Variants in ADCY5 observed in about 807,000 individuals in gnomAD.
The protein encoded by ADCY5 is adenylate cyclase type 5.
In ADCY5, 30 loss-of-function variants were observed where a neutral mutation model predicts 119.7. The ratio of observed to expected loss-of-function variants is 0.25; its 90% confidence interval spans 0.19 to 0.34. The LOEUF is 0.34. Among genes scored for constraint, ADCY5 ranks in the 10% least tolerant of loss-of-function variants. ADCY5 has a pLI of 1.00. For missense variants in ADCY5, 1,324 were observed against 1,775.2 expected (o/e 0.75, Z 4.57); for synonymous variants, 753 against 762.2 (o/e 0.99, Z 0.20).
intron 17 of ADCY5, among the ~76,000 whole-genome samples, chr3:123,291,689 G>T (rs1402774512): frequency 6.6e-6 from 1 of 152,184 alleles, no homozygotes; most frequent in African/African-American, 2.4e-5. Flanking sequence ...AGGTGAGGCT[G>T]CAAGGATCCT....
chr3:123,328,783 CT>C lies in ADCY5; in HGVS notation c.1665del (p.Val557Ter). On this transcript the variant is annotated frameshift_variant, in exon 6 of 21. Coordinates refer to ENST00000462833, the MANE Select transcript of ADCY5 (RefSeq NM_183357.3). LOFTEE classifies it high-confidence loss of function. ...IEAISLVREV[T>X]GVNVNMRVGI... ...CCCACACGCATGTTCACGTTCACCC[CT>C]GTCACCTCCCGGACCAACCTGGGGA... is the stretch of plus-strand genomic sequence containing the variant. 2 of 1,614,210 alleles carry C rather than the reference CT, an allele frequency of 1.2e-6. No individual in the cohort carries two copies. Among genetic ancestry groups the C allele is most frequent in the Non-Finnish European group, 8.5e-7 (1 of 1,180,022 alleles).
rs569548303 is a variant in ADCY5 at position 123,286,155 on chromosome 3, C to CG, written c.3657+529dup. On this transcript the variant is annotated intron_variant, in intron 20 of 20. Transcript: ENST00000462833. The surrounding 1 kb of genome is among the most constrained non-coding windows in gnomAD (Gnocchi z 4.2). ...AAGCAGCAGCTGAAGAACAGCAGGCCGGGAAACCACAAGCCCAGCTCGCAA... is the reference window on the plus strand; with the variant it reads ...AAGCAGCAGCTGAAGAACAGCAGGCCGGGGAAACCACAAGCCCAGCTCGCAA... Among the ~76,000 whole-genome samples the CG allele has an allele frequency of 1.6e-3, 239 of 152,218 alleles. 2 individuals carry two copies. The highest frequency in any genetic ancestry group is 5.5e-3 in the African/African-American group (228 of 41,534).
chr3:123,299,280 A>G (rs1173243757), intron 15 of ADCY5, among the ~76,000 whole-genome samples: 2 of 152,216 alleles, frequency 1.3e-5, no homozygotes, highest in East Asian at 1.9e-4. Context: ...CTTCTGGAAC[A>G]TGCCTAACTT....
chr3:123,313,602 G>C (rs1372473530), intron 12 of ADCY5, among the ~76,000 whole-genome samples: 1 of 152,188 alleles, frequency 6.6e-6, no homozygotes, highest in African/African-American at 2.4e-5. Flanking sequence ...TTCTACCACA[G>C]ACCAGAGTGA....
At chr3:123,320,617 C>T (rs150567896) in intron 9 of ADCY5, 132 bp downstream of exon 9, 41 of 1,273,534 alleles carry the variant, frequency 3.2e-5, no homozygotes, top group Middle Eastern at 2.5e-4. Context: ...CTAGGGTGGG[C>T]TCCATTCACT....
At chr3:123,350,835 G>A (rs1255769073) in intron 2 of ADCY5, among the ~76,000 whole-genome samples, 1 of 152,224 alleles carries the variant, frequency 6.6e-6, no homozygotes, top group Non-Finnish European at 1.5e-5. Context: ...TAATTCCCCT[G>A]GAGAAGTGAG....
chr3:123,327,596 C>T, intron 7 of ADCY5, 22 bp downstream of exon 7: 7 of 1,608,292 alleles, frequency 4.4e-6, no homozygotes, highest in Non-Finnish European at 5.1e-6. Flanking sequence ...CCCCTCAGCC[C>T]CCCGGCCCCC....
In ADCY5 at chr3:123,303,121, G is replaced by C. The variant is rs762705672; in HGVS notation, c.2658C>G (p.Val886=). The change falls in exon 14 of 21, where the codon GTC becomes GTG. Residue 886 remains valine (V), a synonymous_variant. Transcript: ENST00000462833. The part of the protein sequence containing the change: ...VNACHVAESA[V]NYSLGDEQGF... ...CCTGCTCATCGCCCAGGCTGTAGTT[G>C]ACGGCCGACTCCGCCACGTGACACG... is the stretch of plus-strand genomic sequence containing the variant. The C allele has an allele frequency of 7.4e-6, 12 of 1,613,876 alleles. No homozygotes were observed. The highest frequency in any genetic ancestry group is 1.0e-5 in the Non-Finnish European group (12 of 1,180,032).
At chr3:123,343,230 G>A (rs890228343) in intron 3 of ADCY5, among the ~76,000 whole-genome samples, 2 of 152,172 alleles carry the variant, frequency 1.3e-5, no homozygotes, top group Non-Finnish European at 2.9e-5. Context: ...CAGTGATGAT[G>A]TGTACTTTAA....
chr3:123,308,759 G>T (rs888115508), intron 12 of ADCY5, among the ~76,000 whole-genome samples: 6 of 152,192 alleles, frequency 3.9e-5, no homozygotes, highest in African/African-American at 1.2e-4. Flanking sequence ...AACCCGGGAG[G>T]CGGAGCTTGC....
At chr3:123,436,696 A>T (rs1945623972) in intron 1 of ADCY5, among the ~76,000 whole-genome samples, 1 of 152,090 alleles carries the variant, frequency 6.6e-6, no homozygotes, top group Non-Finnish European at 1.5e-5. Flanking sequence ...ACAAAGCAAG[A>T]CTCCATCTCA....
intron 1 of ADCY5, among the ~76,000 whole-genome samples, chr3:123,432,594 G>A (rs1484966754): frequency 2.0e-5 from 3 of 152,066 alleles, no homozygotes; most frequent in Admixed American, 6.6e-5. Context: ...GCAGTGGCGC[G>A]ATCACAGCTC....
At chr3:123,289,143 A>G (rs773687199) in intron 19 of ADCY5, among the ~76,000 whole-genome samples, 1 of 152,164 alleles carries the variant, frequency 6.6e-6, no homozygotes, top group Non-Finnish European at 1.5e-5. Flanking sequence ...AGTTTTTTAA[A>G]CTATTTCACT....
rs1197894652 is a variant in ADCY5, at chr3:123,284,681, C to A, written c.3713G>T (p.Arg1238Leu). Reference sequence around the variant, plus strand: ...TTTGCCCTTGACCTTGACCACGCCCCGGCACTCCAGCTGGTACGTGTTGGC... The same window carrying A: ...TTTGCCCTTGACCTTGACCACGCCCAGGCACTCCAGCTGGTACGTGTTGGC... ...LAANTYQLEC[R>L]GVVKVKGKGE... Residue 1238 changes from arginine (R) to leucine (L), a missense_variant, in exon 21 of 21, where the codon CGG becomes CTG. Coordinates refer to ENST00000462833, the MANE Select transcript of ADCY5 (RefSeq NM_183357.3). 6.2e-7 allele frequency: 1 copy of A among 1,614,224 alleles called. No individual in the cohort carries two copies. Among genetic ancestry groups the A allele is most frequent in the Non-Finnish European group, 8.5e-7 (1 of 1,180,028 alleles).
rs1361838491 is a variant in ADCY5, at chr3:123,284,594, T to C, written c.*14A>G. 9 of 1,613,972 alleles carry C rather than the reference T, an allele frequency of 5.6e-6. No individual in the cohort carries two copies. The highest frequency in any genetic ancestry group is 2.7e-5 in the African/African-American group (2 of 74,942). On this transcript the variant is annotated 3_prime_UTR_variant, in exon 21 of 21. Transcript: ENST00000462833. ...CTGGAGGCCAGGCTGCCTGGCACCA[T>C]TGGCCAACAGCTGCTAACTGAGCGG... is the stretch of plus-strand genomic sequence containing the variant.
intron 12 of ADCY5, among the ~76,000 whole-genome samples, chr3:123,304,743 C>T (rs72964540): frequency 0.025 from 3,832 of 152,192 alleles, 159 homozygotes; most frequent in African/African-American, 0.086. Flanking sequence ...CTCCAAGGAC[C>T]TGCCATTTCC....
chr3:123,410,299 T>C (rs891174060), intron 1 of ADCY5, among the ~76,000 whole-genome samples: 2 of 152,166 alleles, frequency 1.3e-5, no homozygotes, highest in African/African-American at 4.8e-5. Flanking sequence ...AGCTCTGTCT[T>C]GGCAGAGTTC....
intron 15 of ADCY5, among the ~76,000 whole-genome samples, chr3:123,298,133 G>A (rs1458320283): frequency 6.6e-6 from 1 of 152,120 alleles, no homozygotes; most frequent in Admixed American, 6.5e-5. Context: ...CCAAGTAGCT[G>A]GGATTACAGG....
At chr3:123,309,983 G>C (rs1399484955) in intron 12 of ADCY5, among the ~76,000 whole-genome samples, 1 of 152,040 alleles carries the variant, frequency 6.6e-6, no homozygotes, top group East Asian at 1.9e-4. Flanking sequence ...GAGCAGACAG[G>C]GCCCACAGGA....
Sources: gnomAD v4.1 joint callset for allele counts (sites outside exome capture counted in the v4.1 genomes callset) on GRCh38, gnomAD v4.1.1 for gene constraint, Gnocchi (gnomAD v3.1) non-coding constraint, MANE v1.5 for transcripts, NCBI Gene and HGNC (gene_info 2026-07-23, HGNC 2026-07-21) for gene names.